The following CADM2 variants were observed in gnomAD, a reference collection of about 807,000 sequenced individuals.
The protein encoded by CADM2 is immunoglobulin superfamily member 4D.
In CADM2, 12 loss-of-function variants were observed where a neutral mutation model predicts 49.8. The ratio of observed to expected loss-of-function variants is 0.24; its 90% CI spans 0.15 to 0.39. CADM2 has a LOEUF of 0.39. CADM2 is among the 10% of genes least tolerant of loss of function. CADM2 has a pLI of 1.00. For synonymous variants in CADM2, 214 were observed against 175.4 expected (o/e 1.22, Z -1.74); for missense variants, 378 against 492.3 (o/e 0.77, Z 2.20).
chr3:85,095,085 C>A (rs2107531029), intron 1 of CADM2, among the ~76,000 whole-genome samples: 1 of 152,090 alleles, frequency 6.6e-6, no homozygotes, highest in South Asian at 2.1e-4. Flanking sequence ...AAACTCATAC[C>A]CAATGGATGT....
intron 8 of CADM2, among the ~76,000 whole-genome samples, chr3:86,016,589 G>A (rs1056020849): frequency 6.6e-6 from 1 of 152,002 alleles, no homozygotes; most frequent in African/African-American, 2.4e-5. Flanking sequence ...TTAATCACAG[G>A]CCAACACATT....
At chr3:85,928,793 T>A (rs1720233422) in intron 6 of CADM2, among the ~76,000 whole-genome samples, 1 of 152,144 alleles carries the variant, frequency 6.6e-6, no homozygotes, top group African/African-American at 2.4e-5. Context: ...AAACATTCAT[T>A]TATTTACACA....
chr3:85,363,580 T>A (rs572422217), intron 1 of CADM2, among the ~76,000 whole-genome samples: 1 of 152,326 alleles, frequency 6.6e-6, no homozygotes, highest in Non-Finnish European at 1.5e-5. Context: ...ATGTAAAGAC[T>A]GTGGTATTTT....
chr3:85,822,749 C>G (rs1241322642), intron 3 of CADM2, among the ~76,000 whole-genome samples: 1 of 152,056 alleles, frequency 6.6e-6, no homozygotes, highest in Non-Finnish European at 1.5e-5. Flanking sequence ...ACTCAGGATC[C>G]ATGAATTTTC....
At chr3:85,588,085 G>A (rs981901520) in intron 1 of CADM2, among the ~76,000 whole-genome samples, 1 of 151,768 alleles carries the variant, frequency 6.6e-6, no homozygotes, top group Non-Finnish European at 1.5e-5. Flanking sequence ...CTTAAGAAGG[G>A]GTAATTTGTA....
In CADM2 at chr3:85,546,833, G is replaced by A. The variant is rs77105453; in HGVS notation, c.62-179689G>A. Among the ~76,000 whole-genome samples the A allele has an allele frequency of 8.3e-3, 879 of 105,928 alleles. 8 individuals are homozygous for A. Among genetic ancestry groups the A allele is most frequent in the African/African-American group, 0.021 (827 of 39,400 alleles). 69.5% of individuals were successfully genotyped at this position (105,928 alleles called of 152,430 possible). Reference sequence around the variant, plus strand: ...ATAGTAAATAATTCAAGAAGTAGTCGGCAGGCAAAAAAATATTTTGAGACA... The same window carrying A: ...ATAGTAAATAATTCAAGAAGTAGTCAGCAGGCAAAAAAATATTTTGAGACA... On this transcript the variant is annotated intron_variant, in intron 1 of 9. Coordinates refer to ENST00000383699, the MANE Select transcript of CADM2 (RefSeq NM_001167675.2).
At chr3:85,793,428 A>G (rs60819488) in intron 2 of CADM2, among the ~76,000 whole-genome samples, 14,761 of 152,164 alleles carry the variant, frequency 0.097, 2,142 homozygotes, top group African/African-American at 0.32. Context: ...AATTGTGGGT[A>G]CGAATGGGGA....
chr3:85,008,679 G>T (rs187716813), intron 1 of CADM2, among the ~76,000 whole-genome samples: 1 of 151,696 alleles, frequency 6.6e-6, no homozygotes, highest in Admixed American at 6.6e-5. Flanking sequence ...TGAAGCAGAC[G>T]GAATTAAAGA....
chr3:85,758,183 T>C (rs1021486584), intron 2 of CADM2, among the ~76,000 whole-genome samples: 4 of 152,104 alleles, frequency 2.6e-5, no homozygotes, highest in South Asian at 2.1e-4. Flanking sequence ...TCACATAATT[T>C]GTTGGTAGGA....
In CADM2 at chr3:85,036,980, C is replaced by T. The variant is rs144246563; in HGVS notation, c.61+77312C>T. Among the ~76,000 whole-genome samples, 64 of 144,404 alleles carry T rather than the reference C, an allele frequency of 4.4e-4. No homozygotes were observed. The East Asian group carries it at 9.8e-3, about 22-fold the overall frequency. The allele number at this position is 144,404 out of a possible 152,430, so 94.7% of individuals were successfully genotyped here. A position where few individuals can be genotyped will look rare whatever the true frequency, so the allele number is the denominator to read the frequency against. Reference sequence around the variant, plus strand: ...CAGCCTGACCAACATGGTGAAACCCCGTCTCTACTAAAAATAGAAAAAAAA... The same window carrying T: ...CAGCCTGACCAACATGGTGAAACCCTGTCTCTACTAAAAATAGAAAAAAAA... On this transcript the variant is annotated intron_variant, in intron 1 of 9. Transcript: ENST00000383699.
At chr3:85,014,141 G>T (rs537358365) in intron 1 of CADM2, among the ~76,000 whole-genome samples, 1 of 142,624 alleles carries the variant, frequency 7.0e-6, no homozygotes, top group Non-Finnish European at 1.5e-5. Context: ...TTATATATAC[G>T]CAGTGTAATA....
At chr3:85,218,763 C>A (rs374966802) in intron 1 of CADM2, among the ~76,000 whole-genome samples, 12 of 152,282 alleles carry the variant, frequency 7.9e-5, no homozygotes, top group African/African-American at 2.9e-4. Flanking sequence ...GCCCACTGCA[C>A]TCCAGCCTGG....
intron 3 of CADM2, among the ~76,000 whole-genome samples, chr3:85,879,377 A>C (rs1293474615): frequency 6.6e-6 from 1 of 152,170 alleles, no homozygotes; most frequent in Admixed American, 6.6e-5. Flanking sequence ...TAGAGTTCAC[A>C]AAGAATGACA....
chr3:85,604,846 A>T (rs573627092), intron 1 of CADM2, among the ~76,000 whole-genome samples: 1 of 152,142 alleles, frequency 6.6e-6, no homozygotes, highest in Non-Finnish European at 1.5e-5. Flanking sequence ...CAGTAATCAA[A>T]CAGCTGTGAT....
At chr3:85,059,316 A>T (rs2036210980) in intron 1 of CADM2, among the ~76,000 whole-genome samples, 1 of 143,386 alleles carries the variant, frequency 7.0e-6, no homozygotes, top group Non-Finnish European at 1.5e-5. Flanking sequence ...CAAATAAAAA[A>T]ATAAAAAAAA....
At chr3:85,103,836 C>T (rs4516626) in intron 1 of CADM2, among the ~76,000 whole-genome samples, 56,008 of 151,884 alleles carry the variant, frequency 0.37, 13,462 homozygotes, top group Non-Finnish European at 0.54. Flanking sequence ...ACAGTTTTGA[C>T]CACATTGTGT....
At chr3:85,889,054 T>G (rs756064754) in intron 5 of CADM2, among the ~76,000 whole-genome samples, 1 of 152,164 alleles carries the variant, frequency 6.6e-6, no homozygotes, top group Non-Finnish European at 1.5e-5. Context: ...CCTCTCGATT[T>G]CACAGTATTC....
At chr3:86,055,469 T>TG (rs1328720522) in intron 8 of CADM2, among the ~76,000 whole-genome samples, 2 of 130,324 alleles carry the variant, frequency 1.5e-5, no homozygotes, top group African/African-American at 2.9e-5. Context: ...TTTTTTTTTT[T>TG]TTTTTTTTTT....
chr3:85,603,440 T>G (rs1476016527), intron 1 of CADM2, among the ~76,000 whole-genome samples: 1 of 151,942 alleles, frequency 6.6e-6, no homozygotes, highest in Non-Finnish European at 1.5e-5. Flanking sequence ...ACACATTTGT[T>G]TTTCCTCAAT....
Sources: allele counts gnomAD v4.1 joint callset (sites outside exome capture counted in the v4.1 genomes callset), GRCh38; gene constraint gnomAD v4.1.1; transcripts MANE v1.5; gene names NCBI Gene and HGNC (gene_info 2026-07-23, HGNC 2026-07-21).